XKRX: variants seen among roughly 807,000 people sequenced by gnomAD.
XKRX encodes the protein XK-related protein 2.
XKRX carries 11 observed loss-of-function variants against 22.4 expected under a neutral mutation model. The ratio of observed to expected loss-of-function variants is 0.49; its 90% CI spans 0.31 to 0.81. The LOEUF is 0.81. Ranked by LOEUF, XKRX falls within the 40% of genes least tolerant of loss-of-function variation. The probability of loss-of-function intolerance (pLI) is 0.05; values close to 1 mark genes in which losing one functional copy is unlikely to be tolerated. For synonymous variants in XKRX, 114 were observed against 132.2 expected (o/e 0.86, Z 0.94); for missense variants, 320 against 336.5 (o/e 0.95, Z 0.38).
the XKRX span, among the ~76,000 whole-genome samples, chrX:100,940,844 G>A: frequency 9.0e-6 from 1 of 111,484 alleles, no homozygotes; most frequent in Admixed American, 9.6e-5. Context: ...GCCCAAACAC[G>A]CCTAACTCCC....
intron 1 of XKRX, 120 bp downstream of exon 1, chrX:100,927,850 T>C (rs1005377620): frequency 1.1e-6 from 1 of 892,671 alleles, no homozygotes; most frequent in East Asian, 3.2e-5. Flanking sequence ...AAGCCGAGAG[T>C]GGGAGGAAAT....
In XKRX at chrX:100,928,014, C is replaced by T; in HGVS notation, c.291G>A (p.Pro97=). 1 of 1,206,809 alleles carries T rather than the reference C, an allele frequency of 8.3e-7. No individual in the cohort carries two copies. The highest frequency in any genetic ancestry group is 1.1e-6 in the Non-Finnish European group (1 of 893,814). ...GGATTAGATGCATAAATAATGATAGCGGTTTATCTTTGGCTAGATCTCTGT... is the reference window on the plus strand; with the variant it reads ...GGATTAGATGCATAAATAATGATAGTGGTTTATCTTTGGCTAGATCTCTGT... ...FVHRDLAKDK[P]LSLFMHLILL... The change falls in exon 1 of 3, where the codon CCG becomes CCA. Residue 97 remains proline (P), a synonymous_variant. Coordinates refer to ENST00000372956, the MANE Select transcript of XKRX (RefSeq NM_212559.3).
chrX:100,911,988 G>T (rs1424287948), downstream of XKRX, among the ~76,000 whole-genome samples: 3 of 111,582 alleles, frequency 2.7e-5, no homozygotes, highest in South Asian at 1.1e-3. Context: ...CACACTTTTT[G>T]CCCTGTGTAG....
the XKRX span, among the ~76,000 whole-genome samples, chrX:100,894,884 C>T: frequency 8.9e-6 from 1 of 112,057 alleles, no homozygotes; most frequent in East Asian, 2.8e-4. Flanking sequence ...TGAGTTAGTG[C>T]AAGTTCAGAC....
At chrX:100,938,234 A>G in the XKRX span, among the ~76,000 whole-genome samples, 1 of 111,725 alleles carries the variant, frequency 9.0e-6, no homozygotes, top group Non-Finnish European at 1.9e-5. Flanking sequence ...CGGAAAATGC[A>G]CAGTCCTGCT....
the XKRX span, among the ~76,000 whole-genome samples, chrX:100,948,815 C>A: frequency 8.9e-6 from 1 of 112,369 alleles, no homozygotes; most frequent in Non-Finnish European, 1.9e-5. Flanking sequence ...GAACTTCCAC[C>A]CTATCTCCCC....
At chrX:100,938,661 C>T in the XKRX span, among the ~76,000 whole-genome samples, 1 of 111,343 alleles carries the variant, frequency 9.0e-6, no homozygotes, top group Non-Finnish European at 1.9e-5. Flanking sequence ...GGGATTTAGT[C>T]TTGAATCTGC....
chrX:100,887,297 TA>T, the XKRX span, among the ~76,000 whole-genome samples: 53 of 103,719 alleles, frequency 5.1e-4, no homozygotes, highest in Admixed American at 5.2e-4. Context: ...CACAGCACAT[TA>T]AAAAAAAAAA....
At chrX:100,939,736 C>G in the XKRX span, among the ~76,000 whole-genome samples, 1 of 111,941 alleles carries the variant, frequency 8.9e-6, no homozygotes, top group Non-Finnish European at 1.9e-5. Context: ...ACTATCAGTC[C>G]CCCTGAAGAG....
At chrX:100,926,587 G>A (rs749615652) in intron 1 of XKRX, among the ~76,000 whole-genome samples, 35 of 111,345 alleles carry the variant, frequency 3.1e-4, no homozygotes, top group African/African-American at 1.1e-3. Flanking sequence ...CATATTCCTC[G>A]GCTGACTGCA....
At chrX:100,905,788 A>T in the XKRX span, among the ~76,000 whole-genome samples, 2 of 112,385 alleles carry the variant, frequency 1.8e-5, no homozygotes, top group Non-Finnish European at 3.8e-5. Context: ...AACTCAAAAG[A>T]GGATATGAAA....
chrX:100,893,307 G>C, the XKRX span, among the ~76,000 whole-genome samples: 1 of 111,759 alleles, frequency 8.9e-6, no homozygotes, highest in African/African-American at 3.3e-5. Flanking sequence ...ATTGCTAAGA[G>C]AGTAGATCTT....
the XKRX span, among the ~76,000 whole-genome samples, chrX:100,941,548 TA>T: frequency 5.0e-4 from 53 of 105,883 alleles, no homozygotes; most frequent in Middle Eastern, 5.0e-3. Flanking sequence ...GACTCTGTCT[TA>T]AAAAAAAAAA....
chrX:100,941,383 T>C, the XKRX span, among the ~76,000 whole-genome samples: 4 of 111,360 alleles, frequency 3.6e-5, no homozygotes, highest in African/African-American at 1.3e-4. Flanking sequence ...ACCCCGTCTC[T>C]ATTAAAAATA....
chrX:100,957,823 T>C, the XKRX span, among the ~76,000 whole-genome samples: 23 of 111,677 alleles, frequency 2.1e-4, 1 homozygote, highest in African/African-American at 3.3e-5. Flanking sequence ...CATGTTCTGA[T>C]TGTGTGTGGG....
At chrX:100,910,493 G>A (rs367562154), downstream of XKRX, among the ~76,000 whole-genome samples, 34 of 109,344 alleles carry the variant, frequency 3.1e-4, no homozygotes, top group East Asian at 8.1e-3. Context: ...GCTAGGGCAG[G>A]AGAATCACTT....
Position 100,928,879 on chromosome X carries a change from T to A in XKRX, c.-575A>T. 1 of 747,159 alleles carries A rather than the reference T, an allele frequency of 1.3e-6. No individual in the cohort carries two copies. Among genetic ancestry groups the A allele is most frequent in the Non-Finnish European group, 1.6e-6 (1 of 632,830 alleles). 61.6% of individuals were successfully genotyped at this position (747,159 alleles called of 1,213,427 possible). A position where few individuals can be genotyped will look rare whatever the true frequency, so the allele number is the denominator to read the frequency against. Reference sequence around the variant, plus strand: ...CCTAGCTATTGCTAGGCTGTAGCTATCAGCTGGCCCGCTCACCTGCGCGCT... The same window carrying A: ...CCTAGCTATTGCTAGGCTGTAGCTAACAGCTGGCCCGCTCACCTGCGCGCT... On this transcript the variant is annotated 5_prime_UTR_variant, in exon 1 of 3. Transcript: ENST00000372956.
At chrX:100,957,216 T>A in the XKRX span, 1 of 1,008,372 alleles carries the variant, frequency 9.9e-7, no homozygotes, top group Non-Finnish European at 1.4e-6. Flanking sequence ...TGGAATGACT[T>A]GTCAGTATCG....
At chrX:100,917,679 AAAG>A (rs1363503795) in intron 2 of XKRX, among the ~76,000 whole-genome samples, 77 of 86,133 alleles carry the variant, frequency 8.9e-4, no homozygotes, top group Non-Finnish European at 1.3e-3. Flanking sequence ...GAAAGAAAAG[AAAG>A]AAAGAAAGAA....
Sources: allele counts gnomAD v4.1 joint callset (sites outside exome capture counted in the v4.1 genomes callset), GRCh38; gene constraint gnomAD v4.1.1; transcripts MANE v1.5; gene names NCBI Gene and HGNC (gene_info 2026-07-23, HGNC 2026-07-21).